The following MRPL37 variants were observed in gnomAD, a reference collection of about 807,000 sequenced individuals.
MRPL37 encodes mitochondrial ribosomal protein L37, also known as large ribosomal subunit protein mL37.
A neutral mutation model predicts 44.1 loss-of-function variants in MRPL37; 34 were observed. The ratio of observed to expected loss-of-function variants is 0.77; its 90% confidence interval spans 0.59 to 1.03. The LOEUF (loss-of-function observed/expected upper bound fraction) is 1.03. Among genes scored for constraint, MRPL37 ranks in the 50% least tolerant of loss-of-function variants. The probability of loss-of-function intolerance (pLI) is 0.00; values close to 1 mark genes in which losing one functional copy is unlikely to be tolerated. For synonymous variants in MRPL37, 212 were observed against 219.5 expected (o/e 0.97, Z 0.30); for missense variants, 532 against 543.7 (o/e 0.98, Z 0.21).
chr1:54,200,609 G>T lies in MRPL37; in HGVS notation c.346+20G>T. On this transcript the variant is annotated intron_variant, in intron 1 of 6. Coordinates refer to ENST00000360840, the MANE Select transcript of MRPL37 (RefSeq NM_016491.4). The stretch of plus-strand genomic sequence containing the variant: ...TCGAGGGTGAGGCCCCAGGACGGGC[G>T]GCAAGGGACCGTGTTCCTCTAACCA... 6.4e-7 allele frequency: 1 copy of T among 1,573,174 alleles called. No individual in the cohort carries two copies. The highest frequency in any genetic ancestry group is 1.7e-5 in the Admixed American group (1 of 57,346).
chr1:54,221,456 C>T (rs933388256), downstream of MRPL37, among the ~76,000 whole-genome samples: 4 of 152,184 alleles, frequency 2.6e-5, no homozygotes, highest in Non-Finnish European at 5.9e-5. Context: ...GGAAGACCCC[C>T]GATCCAGGGA....
Position 54,200,379 on chromosome 1 carries a change from CT to C in MRPL37, c.137del (p.Leu46ArgfsTer72). 1.2e-6 allele frequency: 2 copies of C among 1,614,218 alleles called. No individual in the cohort carries two copies. Among genetic ancestry groups the C allele is most frequent in the Non-Finnish European group, 1.7e-6 (2 of 1,180,038 alleles). ...RSTRKSEPPPLDRVYEIPGLE... is the reference protein window; with the variant it reads ...RSTRKSEPPPXDRVYEIPGLE... ...CACGCGGAAGTCGGAGCCTCCTCCC[CT>C]GGATAGGGTGTACGAGATCCCTGGA... is the stretch of plus-strand genomic sequence containing the variant. On this transcript the variant is annotated frameshift_variant, in exon 1 of 7. Coordinates refer to ENST00000360840, the MANE Select transcript of MRPL37 (RefSeq NM_016491.4). LOFTEE classifies it high-confidence loss of function.
At chr1:54,209,526 C>A (rs1644148846) in intron 3 of MRPL37, among the ~76,000 whole-genome samples, 1 of 150,268 alleles carries the variant, frequency 6.7e-6, no homozygotes, top group African/African-American at 2.5e-5. Flanking sequence ...GTGCCGTCAT[C>A]TCAGCTCACT....
In MRPL37 at chr1:54,205,612, C is replaced by T. The variant is rs111916020; in HGVS notation, c.646+202C>T. 5.5e-4 allele frequency among the ~76,000 whole-genome samples: 83 copies of T among 152,292 alleles called. 2 individuals are homozygous for T. Among genetic ancestry groups the T allele is most frequent in the African/African-American group, 1.7e-3 (70 of 41,542 alleles). The stretch of plus-strand genomic sequence containing the variant: ...TTTTGTTTTTAATCACTTTCTAAGA[C>T]GTTAATTCAACCATTAACAGTCAGC... On this transcript the variant is annotated intron_variant, in intron 3 of 6. Coordinates refer to ENST00000360840, the MANE Select transcript of MRPL37 (RefSeq NM_016491.4).
Position 54,200,390 on chromosome 1 carries a change from G to A in MRPL37, c.147G>A (p.Val49=). The change falls in exon 1 of 7, where the codon GTG becomes GTA. Residue 49 remains valine (V), a synonymous_variant. Transcript: ENST00000360840. Reference sequence around the variant, plus strand: ...CGGAGCCTCCTCCCCTGGATAGGGTGTACGAGATCCCTGGACTGGAGCCCA... The same window carrying A: ...CGGAGCCTCCTCCCCTGGATAGGGTATACGAGATCCCTGGACTGGAGCCCA... ...RKSEPPPLDR[V]YEIPGLEPIT... is the part of the protein sequence containing the mutation. The A allele has an allele frequency of 1.2e-6, 2 of 1,614,236 alleles. No homozygotes were observed. Among genetic ancestry groups the A allele is most frequent in the Non-Finnish European group, 1.7e-6 (2 of 1,180,036 alleles).
At chr1:54,207,284 T>C (rs1348248707) in intron 3 of MRPL37, 1 of 152,202 alleles carries the variant, frequency 6.6e-6, no homozygotes, top group Non-Finnish European at 1.5e-5. Flanking sequence ...GTCCACAGTG[T>C]CTAACAGTTC....
chr1:54,209,310 C>A (rs10888839), intron 3 of MRPL37, among the ~76,000 whole-genome samples: 3 of 152,070 alleles, frequency 2.0e-5, no homozygotes, highest in African/African-American at 7.2e-5. Flanking sequence ...TTGGTTCATC[C>A]CCTCTTAGGG....
At chr1:54,220,073 A>AAAC (rs771082175), downstream of MRPL37, among the ~76,000 whole-genome samples, 17 of 150,512 alleles carry the variant, frequency 1.1e-4, no homozygotes, top group Non-Finnish European at 2.4e-4. Context: ...TTTTTTTTTT[A>AAAC]AACAACACTC....
rs772955541 is a variant in MRPL37, at chr1:54,200,451, C to G, written c.208C>G (p.Leu70Val). ...FAGKMHFVPWLARPIFPPWDR... is the reference protein window; with the variant it reads ...FAGKMHFVPWVARPIFPPWDR... Reference sequence around the variant, plus strand: ...GGGGAAGATGCACTTCGTGCCCTGGCTGGCGCGGCCGATCTTTCCGCCCTG... The same window carrying G: ...GGGGAAGATGCACTTCGTGCCCTGGGTGGCGCGGCCGATCTTTCCGCCCTG... Residue 70 changes from leucine (L) to valine (V), a missense_variant, in exon 1 of 7, where the codon CTG becomes GTG. Physicochemically the swap from Leu to Val is conservative, Grantham distance 32 (BLOSUM62 1). Coordinates refer to ENST00000360840, the MANE Select transcript of MRPL37 (RefSeq NM_016491.4). 2.5e-6 allele frequency: 4 copies of G among 1,614,264 alleles called. No homozygotes were observed. The highest frequency in any genetic ancestry group is 3.4e-6 in the Non-Finnish European group (4 of 1,180,050).
At chr1:54,214,478 T>G (rs1319715505) in intron 5 of MRPL37, among the ~76,000 whole-genome samples, 1 of 152,208 alleles carries the variant, frequency 6.6e-6, no homozygotes, top group Non-Finnish European at 1.5e-5. Flanking sequence ...ATTAGGTAAC[T>G]TGTCCAAGAT....
chr1:54,225,286 A>G (rs2100527638), downstream of MRPL37: 2 of 1,234,268 alleles, frequency 1.6e-6, no homozygotes, highest in East Asian at 6.3e-5. Context: ...CAGAATTTGC[A>G]GGCCCAGGAA....
In MRPL37 at chr1:54,212,630, C is replaced by T; in HGVS notation, c.962C>T (p.Ala321Val). The T allele has an allele frequency of 1.2e-6, 2 of 1,614,222 alleles. No individual in the cohort carries two copies. The highest frequency in any genetic ancestry group is 1.1e-5 in the South Asian group (1 of 91,088). ...AKMILFAFGS[A>V]LAQARLLYGN... ...ATGATCCTGTTTGCTTTTGGCAGTG[C>T]CCTGGCTCAGGCCCGGCTCCTCTAT... Residue 321 changes from alanine (A) to valine (V), a missense_variant, in exon 5 of 7, where the codon GCC becomes GTC. Physicochemically the swap from Ala to Val is moderately conservative, Grantham distance 64. Transcript: ENST00000360840.
chr1:54,209,080 A>G (rs897301112), intron 3 of MRPL37, among the ~76,000 whole-genome samples: 1 of 152,198 alleles, frequency 6.6e-6, no homozygotes, highest in African/African-American at 2.4e-5. Context: ...AGAGAAGTTC[A>G]GTTTTCCCCA....
rs1432121064 is a variant in MRPL37 at position 54,200,212 on chromosome 1, C to G, written c.-32C>G. 1 of 1,512,712 alleles carries G rather than the reference C, an allele frequency of 6.6e-7. No homozygotes were observed. Among genetic ancestry groups the G allele is most frequent in the Non-Finnish European group, 8.8e-7 (1 of 1,137,690 alleles). The allele number at this position is 1,512,712 out of a possible 1,614,324, so 93.7% of individuals were successfully genotyped here. A position where few individuals can be genotyped will look rare whatever the true frequency, so the allele number is the denominator to read the frequency against. On this transcript the variant is annotated 5_prime_UTR_variant, in exon 1 of 7. Transcript: ENST00000360840. ...CCTGCGCGCGGCAACATGGCGGGGTCCAGGTGGAGGTCTTGAGGCTATCAG... is the reference window on the plus strand; with the variant it reads ...CCTGCGCGCGGCAACATGGCGGGGTGCAGGTGGAGGTCTTGAGGCTATCAG...
At chr1:54,225,439 A>G, downstream of MRPL37, 1 of 1,228,002 alleles carries the variant, frequency 8.1e-7, no homozygotes, top group East Asian at 3.2e-5. Context: ...GGCTGCGGAA[A>G]AAAGATGTCC....
In MRPL37 at chr1:54,216,357, A is replaced by G. The variant is rs1644197393; in HGVS notation, c.1194+13A>G. The G allele has an allele frequency of 6.2e-7, 1 of 1,612,982 alleles. No individual in the cohort carries two copies. Among genetic ancestry groups the G allele is most frequent in the Non-Finnish European group, 8.5e-7 (1 of 1,179,764 alleles). On this transcript the variant is annotated intron_variant, in intron 6 of 6. Transcript: ENST00000360840. Reference sequence around the variant, plus strand: ...GAGAGTGGTTGTGGTAAGTTGAGCCATCTCCTGCCTGACCCAGGAGGGCCA... The same window carrying G: ...GAGAGTGGTTGTGGTAAGTTGAGCCGTCTCCTGCCTGACCCAGGAGGGCCA...
chr1:54,207,338 A>G (rs1644131618), intron 3 of MRPL37: 1 of 152,276 alleles, frequency 6.6e-6, no homozygotes, highest in South Asian at 2.1e-4. Context: ...GTAAATGCAT[A>G]TACCTACTGT....
Position 54,200,405 on chromosome 1 carries a change from A to C in MRPL37, c.162A>C (p.Gly54=). ...TGGATAGGGTGTACGAGATCCCTGG[A>C]CTGGAGCCCATCACCTTTGCGGGGA... is the stretch of plus-strand genomic sequence containing the variant. ...PPLDRVYEIP[G]LEPITFAGKM... Residue 54 remains glycine, a synonymous_variant, in exon 1 of 7, where the codon GGA becomes GGC. Transcript: ENST00000360840. 1 of 1,614,132 alleles carries C rather than the reference A, an allele frequency of 6.2e-7. No homozygotes were observed. The highest frequency in any genetic ancestry group is 8.5e-7 in the Non-Finnish European group (1 of 1,180,028).
In MRPL37 at chr1:54,200,442, G is replaced by C; in HGVS notation, c.199G>C (p.Val67Leu). 1 of 1,614,228 alleles carries C rather than the reference G, an allele frequency of 6.2e-7. No homozygotes were observed. Among genetic ancestry groups the C allele is most frequent in the Non-Finnish European group, 8.5e-7 (1 of 1,180,046 alleles). The change falls in exon 1 of 7, where the codon GTG (valine) becomes CTG (leucine). Residue 67 changes from valine to leucine, a missense_variant. Transcript: ENST00000360840. ...PITFAGKMHF[V>L]PWLARPIFPP... ...CACCTTTGCGGGGAAGATGCACTTC[G>C]TGCCCTGGCTGGCGCGGCCGATCTT...
Sources: gnomAD v4.1 joint callset for allele counts (sites outside exome capture counted in the v4.1 genomes callset) on GRCh38, gnomAD v4.1.1 for gene constraint, MANE v1.5 for transcripts, NCBI Gene and HGNC (gene_info 2026-07-23, HGNC 2026-07-21) for gene names.